The following PRP4K variants were observed in gnomAD, a reference collection of about 807,000 sequenced individuals.
PRP4K encodes the protein pre-mRNA processing factor kinase PRP4K.
the PRP4K span, chr6:4,061,647 C>T: frequency 2.6e-5 from 4 of 152,578 alleles, no homozygotes; most frequent in Admixed American, 6.5e-5. Flanking sequence ...TGTTGTCTTT[C>T]AATACAGGCA....
At chr6:4,031,619 C>T in the PRP4K span, 21 of 1,590,854 alleles carry the variant, frequency 1.3e-5, no homozygotes, top group South Asian at 2.4e-5. Context: ...TATCAGAAGA[C>T]CAGTCTCAAA....
chr6:4,054,663 C>T, the PRP4K span, among the ~76,000 whole-genome samples: 1 of 152,114 alleles, frequency 6.6e-6, no homozygotes, highest in African/African-American at 2.4e-5. Context: ...GGGGCCACCA[C>T]GCCCAGCTAA....
the PRP4K span, among the ~76,000 whole-genome samples, chr6:4,039,652 G>A: frequency 6.6e-6 from 1 of 152,210 alleles, no homozygotes; most frequent in Admixed American, 6.5e-5. Flanking sequence ...GGCTTTCTGG[G>A]GGTGTTGTGA....
At chr6:4,049,724 C>A in the PRP4K span, 7 of 1,601,224 alleles carry the variant, frequency 4.4e-6, no homozygotes, top group East Asian at 2.2e-5. Flanking sequence ...TTCAATTTGC[C>A]TTTTTAGGTG....
At chr6:4,021,917 T>C in the PRP4K span, among the ~76,000 whole-genome samples, 1 of 152,202 alleles carries the variant, frequency 6.6e-6, no homozygotes, top group African/African-American at 2.4e-5. Flanking sequence ...AGTCGTCCTT[T>C]TACTGGTGTC....
chr6:4,033,810 T>C, the PRP4K span, among the ~76,000 whole-genome samples: 1 of 152,188 alleles, frequency 6.6e-6, no homozygotes, highest in Admixed American at 6.5e-5. Context: ...TCTTTACTTC[T>C]GAGTGGCACT....
At chr6:4,029,010 A>ATTTTTTTTTTTTTTTT in the PRP4K span, among the ~76,000 whole-genome samples, 14 of 110,140 alleles carry the variant, frequency 1.3e-4, no homozygotes, top group South Asian at 2.7e-4. Flanking sequence ...TCTACTTGGA[A>ATTTTTTTTTTTTTTTT]TCTTTTTTTT....
the PRP4K span, among the ~76,000 whole-genome samples, chr6:4,058,189 A>AT: frequency 6.6e-6 from 1 of 152,138 alleles, no homozygotes; most frequent in African/African-American, 2.4e-5. Context: ...TTATTTAATA[A>AT]TTTTTTTGTA....
chr6:4,050,372 C>A, the PRP4K span: 1 of 711,324 alleles, frequency 1.4e-6, no homozygotes, highest in Non-Finnish European at 2.2e-6. Flanking sequence ...AGCCATATGT[C>A]ATATGTACTG....
the PRP4K span, chr6:4,062,002 T>G: frequency 6.6e-6 from 1 of 152,564 alleles, no homozygotes; most frequent in Non-Finnish European, 1.5e-5. This position sits in a 1 kb window ranked among gnomAD's most constrained non-coding sequence, Gnocchi z 4.2. Flanking sequence ...TTCCTGAAAG[T>G]TTTTAATTGA....
At chr6:4,021,385 G>T in the PRP4K span, 1 of 1,560,560 alleles carries the variant, frequency 6.4e-7, no homozygotes, top group African/African-American at 1.4e-5. Flanking sequence ...CCACCGTCCG[G>T]GAGCCGCCGC....
chr6:4,057,215 G>C, the PRP4K span: 1 of 1,596,698 alleles, frequency 6.3e-7, no homozygotes, highest in Admixed American at 1.7e-5. Context: ...GCTTCTTTAA[G>C]GTCTTAGTTT....
the PRP4K span, among the ~76,000 whole-genome samples, chr6:4,026,290 C>T: frequency 6.8e-6 from 1 of 147,538 alleles, no homozygotes; most frequent in Non-Finnish European, 1.5e-5. Flanking sequence ...AGGTGTGAGC[C>T]ACTGTGCCCA....
the PRP4K span, among the ~76,000 whole-genome samples, chr6:4,041,333 A>G: frequency 1.3e-5 from 2 of 152,332 alleles, no homozygotes; most frequent in Non-Finnish European, 1.5e-5. Context: ...TCCTTTTTAC[A>G]ACATGAAAAT....
chr6:4,021,382 C>G, the PRP4K span: 2 of 1,558,462 alleles, frequency 1.3e-6, no homozygotes, highest in South Asian at 2.4e-5. Context: ...CCTCCACCGT[C>G]CGGGAGCCGC....
the PRP4K span, among the ~76,000 whole-genome samples, chr6:4,058,450 C>CT: frequency 6.6e-6 from 1 of 152,182 alleles, no homozygotes; most frequent in Non-Finnish European, 1.5e-5. Context: ...TTTGTTGACT[C>CT]TCCAATTTTA....
the PRP4K span, chr6:4,061,870 T>C: frequency 3.9e-5 from 6 of 152,676 alleles, no homozygotes; most frequent in Non-Finnish European, 8.8e-5. Context: ...GTTCTCAGTA[T>C]GCATCACTAG....
chr6:4,057,903 C>T, the PRP4K span, among the ~76,000 whole-genome samples: 1 of 152,142 alleles, frequency 6.6e-6, no homozygotes, highest in South Asian at 2.1e-4. Context: ...CATGAGCCAC[C>T]GCACCCGGCT....
chr6:4,031,977 G>T, the PRP4K span: 7 of 1,613,914 alleles, frequency 4.3e-6, no homozygotes, highest in Non-Finnish European at 5.9e-6. Flanking sequence ...TCATGAAAAG[G>T]CAAGAAATGG....
Sources: allele counts gnomAD v4.1 joint callset (sites outside exome capture counted in the v4.1 genomes callset), GRCh38; gene constraint gnomAD v4.1.1; non-coding constraint Gnocchi (gnomAD v3.1); transcripts MANE v1.5; gene names NCBI Gene and HGNC (gene_info 2026-07-23, HGNC 2026-07-21).